The following SMC6 variants were observed in gnomAD, a reference collection of about 807,000 sequenced individuals.
SMC6 encodes the protein structural maintenance of chromosomes 6.
SMC6 carries 79 observed loss-of-function variants against 142.2 expected under a neutral mutation model. The ratio of observed to expected loss-of-function variants is 0.56; its 90% CI spans 0.46 to 0.67. SMC6 has a LOEUF of 0.67. SMC6 is among the 30% of genes least tolerant of loss of function. The probability of loss-of-function intolerance (pLI) is 0.00; values close to 1 mark genes in which losing one functional copy is unlikely to be tolerated. For synonymous variants in SMC6, 411 were observed against 412.4 expected (o/e 1.00, Z 0.04); for missense variants, 1,072 against 1,284.0 (o/e 0.83, Z 2.52).
At chr2:17,720,907 C>A in intron 11 of SMC6, 33 bp downstream of exon 11, 1 of 1,527,672 alleles carries the variant, frequency 6.5e-7, no homozygotes, top group South Asian at 1.1e-5. Context: ...TATGATTCAA[C>A]CTATTAAATC....
intron 23 of SMC6, among the ~76,000 whole-genome samples, chr2:17,683,989 C>T (rs1380960912): frequency 6.6e-6 from 1 of 152,094 alleles, no homozygotes; most frequent in African/African-American, 2.4e-5. Flanking sequence ...AAGGTCCAAG[C>T]CCTAGAGGAG....
intron 5 of SMC6, among the ~76,000 whole-genome samples, chr2:17,734,179 G>A (rs1670037164): frequency 6.6e-6 from 1 of 152,124 alleles, no homozygotes; most frequent in South Asian, 2.1e-4. Flanking sequence ...TTAAAAGAAA[G>A]CCCCAGAGAG....
rs369853393 is a variant in SMC6, at chr2:17,695,165, C to G, written c.2665G>C (p.Glu889Gln). 3.1e-6 allele frequency: 5 copies of G among 1,613,346 alleles called. No homozygotes were observed. Among genetic ancestry groups the G allele is most frequent in the Non-Finnish European group, 4.2e-6 (5 of 1,179,774 alleles). Residue 889 changes from glutamate to glutamine, a missense_variant, in exon 23 of 28, where the codon GAG becomes CAG. Around this residue, in one of 3 missense-constraint regions of SMC6, gnomAD observed 994 missense variants for 1,153.2 expected, o/e 0.86. Coordinates refer to ENST00000448223, the MANE Select transcript of SMC6 (RefSeq NM_001142286.2). The stretch of plus-strand genomic sequence containing the variant: ...CCAGCTACTTACCTCATTATTTCCT[C>G]TCGATCTCCATGACTAGCATGTTCT... ...QAEHASHGDR[E>Q]EIMRQYQEAR...
rs139664552 is a variant in SMC6, at chr2:17,712,000, C to T, written c.1730+2861G>A. Reference sequence around the variant, plus strand: ...ATAACAGACTATGAAGAGAGCTGTGCGGAGCACCAGAAGGAGATGAAGAAA... The same window carrying T: ...ATAACAGACTATGAAGAGAGCTGTGTGGAGCACCAGAAGGAGATGAAGAAA... On this transcript the variant is annotated intron_variant, in intron 16 of 27. Coordinates refer to ENST00000448223, the MANE Select transcript of SMC6 (RefSeq NM_001142286.2). 4.6e-5 allele frequency among the ~76,000 whole-genome samples: 7 copies of T among 152,054 alleles called. No homozygotes were observed. In the East Asian group the frequency reaches 1.4e-3, roughly 29 times the overall value.
At chr2:17,732,214 T>C (rs1669945610) in intron 5 of SMC6, among the ~76,000 whole-genome samples, 1 of 152,320 alleles carries the variant, frequency 6.6e-6, no homozygotes, top group Non-Finnish European at 1.5e-5. Flanking sequence ...ATAAAAATCA[T>C]GTAATCAAAA....
chr2:17,689,470 G>C (rs2124883761), intron 23 of SMC6, among the ~76,000 whole-genome samples: 1 of 152,200 alleles, frequency 6.6e-6, no homozygotes, highest in South Asian at 2.1e-4. Context: ...GGAATATATT[G>C]AAGTACTAAG....
At chr2:17,673,348 C>T (rs1666852463) in intron 25 of SMC6, among the ~76,000 whole-genome samples, 1 of 151,910 alleles carries the variant, frequency 6.6e-6, no homozygotes, top group Non-Finnish European at 1.5e-5. Context: ...CTTAATGTTA[C>T]TTTTTGATGA....
rs748281862 is a variant in SMC6, at chr2:17,678,981, T to C, written c.2805-17A>G. 25 of 1,571,226 alleles carry C rather than the reference T, an allele frequency of 1.6e-5. No homozygotes were observed. Among genetic ancestry groups the C allele is most frequent in the Admixed American group, 1.5e-4 (9 of 58,192 alleles). On this transcript the variant is annotated splice_polypyrimidine_tract_variant and intron_variant, in intron 24 of 27. Coordinates refer to ENST00000448223, the MANE Select transcript of SMC6 (RefSeq NM_001142286.2). ...GTCAAACACCTTGAAATTTAAAAATTAGGCACATTAAAAAGAGGGCAAAGG... is the reference window on the plus strand; with the variant it reads ...GTCAAACACCTTGAAATTTAAAAATCAGGCACATTAAAAAGAGGGCAAAGG...
At chr2:17,694,000 CAAA>C (rs751816590) in intron 23 of SMC6, among the ~76,000 whole-genome samples, 1 of 34,510 alleles carries the variant, frequency 2.9e-5, no homozygotes, top group Non-Finnish European at 5.7e-5. Flanking sequence ...AACTCCATCT[CAAA>C]AAAAAAAAAA....
At chr2:17,710,217 T>C (rs1328426573) in intron 16 of SMC6, among the ~76,000 whole-genome samples, 1 of 152,182 alleles carries the variant, frequency 6.6e-6, no homozygotes, top group Non-Finnish European at 1.5e-5. Flanking sequence ...ATCTTGGATA[T>C]ATTTCTGAAG....
chr2:17,677,785 C>T (rs984554670), intron 25 of SMC6, among the ~76,000 whole-genome samples: 4 of 152,050 alleles, frequency 2.6e-5, no homozygotes, highest in Non-Finnish European at 4.4e-5. Flanking sequence ...AGAGGAGTTA[C>T]CCATGATCTA....
chr2:17,668,406 G>A lies in SMC6; in HGVS notation c.3064-1889C>T, dbSNP rs145260098. Among the ~76,000 whole-genome samples, 139 of 152,064 alleles carry A rather than the reference G, an allele frequency of 9.1e-4. 3 individuals are homozygous for A. Among genetic ancestry groups the A allele is most frequent in the African/African-American group, 3.1e-3 (127 of 41,482 alleles). The stretch of plus-strand genomic sequence containing the variant: ...ATTCACGAATACACACTTACTAAAC[G>A]GTCATTATAGACTAGGCATTAGGAG... On this transcript the variant is annotated intron_variant, in intron 26 of 27. Transcript: ENST00000448223.
chr2:17,736,209 T>TGA (rs750178793), intron 5 of SMC6, among the ~76,000 whole-genome samples: 1 of 152,246 alleles, frequency 6.6e-6, no homozygotes, highest in Non-Finnish European at 1.5e-5. Context: ...GACAGAAGAC[T>TGA]GAGCTAAGGT....
rs1343873792 is a variant in SMC6, at chr2:17,665,442, A to AT, written c.*56dup. On this transcript the variant is annotated 3_prime_UTR_variant, in exon 28 of 28. Transcript: ENST00000448223. Reference sequence around the variant, plus strand: ...ATTTTATTATATCAAAGAGTCCAGAATTTTTTTTCCCTTCACAAATCCTTC... The same window carrying AT: ...ATTTTATTATATCAAAGAGTCCAGAATTTTTTTTTCCCTTCACAAATCCTTC... 4.1e-5 allele frequency: 50 copies of AT among 1,222,670 alleles called. No individual in the cohort carries two copies. The highest frequency in any genetic ancestry group is 1.8e-4 in the East Asian group (7 of 39,942). The allele number at this position is 1,222,670 out of a possible 1,614,324, so 75.7% of individuals were successfully genotyped here. A position where few individuals can be genotyped will look rare whatever the true frequency, so the allele number is the denominator to read the frequency against.
At chr2:17,717,960 T>C in intron 12 of SMC6, 117 bp downstream of exon 12, 1 of 1,073,102 alleles carries the variant, frequency 9.3e-7, no homozygotes, top group Non-Finnish European at 1.3e-6. Flanking sequence ...CACTCCAGCC[T>C]GGGTGACAGA....
chr2:17,731,981 A>C, intron 5 of SMC6, 104 bp from the exon 6 acceptor site: 1 of 1,227,798 alleles, frequency 8.1e-7, no homozygotes, highest in Non-Finnish European at 1.1e-6. Flanking sequence ...TAATTTGGCC[A>C]ATTCATTTGC....
At chr2:17,695,432 A>G in intron 22 of SMC6, 135 bp from the exon 23 acceptor site, 1 of 666,254 alleles carries the variant, frequency 1.5e-6, no homozygotes, top group African/African-American at 1.8e-5. Context: ...TTTAATATCA[A>G]TGTTATTTAT....
In SMC6 at chr2:17,741,677, C is replaced by T; in HGVS notation, c.173G>A (p.Cys58Tyr). The T allele has an allele frequency of 6.2e-7, 1 of 1,611,876 alleles. No homozygotes were observed. The highest frequency in any genetic ancestry group is 8.5e-7 in the Non-Finnish European group (1 of 1,179,198). The change falls in exon 4 of 28, where the codon TGT becomes TAT. Residue 58 changes from cysteine to tyrosine, a missense_variant. Cys to Tyr is a radical substitution (Grantham distance 194). Coordinates refer to ENST00000448223, the MANE Select transcript of SMC6 (RefSeq NM_001142286.2). ...CTTAAAAGGTCCAAGCATTGAATGACACATGAAGTTTTTTAGGTGAATACT... is the reference window on the plus strand; with the variant it reads ...CTTAAAAGGTCCAAGCATTGAATGATACATGAAGTTTTTTAGGTGAATACT... Reference protein sequence around the residue: ...IESIHLKNFMCHSMLGPFKFG... With the variant: ...IESIHLKNFMYHSMLGPFKFG...
intron 27 of SMC6, among the ~76,000 whole-genome samples, chr2:17,666,187 A>C (rs1281979822): frequency 6.6e-6 from 1 of 152,238 alleles, no homozygotes; most frequent in Non-Finnish European, 1.5e-5. Context: ...AAAGAAGCAG[A>C]CTCAAAACAG....
Sources: gnomAD v4.1 joint callset for allele counts (sites outside exome capture counted in the v4.1 genomes callset) on GRCh38, gnomAD v4.1.1 for gene constraint, gnomAD v4.1.1 regional missense constraint, MANE v1.5 for transcripts, NCBI Gene and HGNC (gene_info 2026-07-23, HGNC 2026-07-21) for gene names.